Variants in DDX46 observed in about 807,000 individuals in gnomAD.
DDX46 encodes the protein DEAD-box helicase 46, also known as probable ATP-dependent RNA helicase DDX46.
DDX46 carries 30 observed loss-of-function variants against 134.9 expected under a neutral mutation model. The ratio of observed to expected loss-of-function variants is 0.22; its 90% CI spans 0.17 to 0.30. The LOEUF is 0.30. Ranked by LOEUF, DDX46 falls within the 10% of genes least tolerant of loss-of-function variation. DDX46 has a pLI of 1.00. For synonymous variants in DDX46, 415 were observed against 404.1 expected (o/e 1.03, Z -0.32); for missense variants, 622 against 1,248.7 (o/e 0.50, Z 7.56).
intron 21 of DDX46, among the ~76,000 whole-genome samples, chr5:134,824,481 G>A (rs1330165096): frequency 6.6e-6 from 1 of 151,966 alleles, no homozygotes; most frequent in Non-Finnish European, 1.5e-5. Context: ...CCAGCTACTC[G>A]AGAGGCTGAG....
At chr5:134,808,277 T>C (rs1405073073) in intron 16 of DDX46, among the ~76,000 whole-genome samples, 2 of 152,198 alleles carry the variant, frequency 1.3e-5, no homozygotes, top group Non-Finnish European at 2.9e-5. Flanking sequence ...AAGTTGAAAA[T>C]GCATTTAATA....
At chr5:134,796,657 A>G (rs1218640801) in intron 15 of DDX46, among the ~76,000 whole-genome samples, 1 of 152,060 alleles carries the variant, frequency 6.6e-6, no homozygotes, top group Non-Finnish European at 1.5e-5. Context: ...GTTGGAGACC[A>G]GTCTGGCCAA....
intron 4 of DDX46, 41 bp downstream of exon 4, chr5:134,771,040 TTGTC>T (rs747882921): frequency 3.1e-5 from 26 of 844,846 alleles, no homozygotes; most frequent in Admixed American, 1.3e-4. Flanking sequence ...TTCTTTCTTT[TTGTC>T]TTTCTTTCTT....
In DDX46 at chr5:134,785,508, T is replaced by C; in HGVS notation, c.1386T>C (p.Thr462=). The change falls in exon 11 of 23, where the codon ACT becomes ACC. Residue 462 remains threonine (T), a synonymous_variant. Coordinates refer to ENST00000452510, the MANE Select transcript of DDX46 (RefSeq NM_001300860.2). ...CTCGAGAACTGGCTTTACAGATTAC[T>C]AAAGAGTGTAAGAAGTTTTCCAAGA... The part of the protein sequence containing the change: ...TPTRELALQI[T]KECKKFSKTL... The C allele has an allele frequency of 6.2e-7, 1 of 1,613,982 alleles. No homozygotes were observed. The highest frequency in any genetic ancestry group is 8.5e-7 in the Non-Finnish European group (1 of 1,179,932).
intron 2 of DDX46, among the ~76,000 whole-genome samples, chr5:134,765,305 G>T (rs1424149186): frequency 6.6e-6 from 1 of 151,096 alleles, no homozygotes; most frequent in Non-Finnish European, 1.5e-5. Context: ...CAGCACTTTG[G>T]GAGGCCAAGG....
intron 4 of DDX46, among the ~76,000 whole-genome samples, chr5:134,772,271 C>G (rs1234115543): frequency 6.6e-6 from 1 of 151,982 alleles, no homozygotes; most frequent in Non-Finnish European, 1.5e-5. Flanking sequence ...TGCCTGTAAT[C>G]TCAGCAGTTC....
At chr5:134,766,754 A>G (rs1054234330) in intron 2 of DDX46, among the ~76,000 whole-genome samples, 163 bp from the exon 3 acceptor site, 1 of 152,088 alleles carries the variant, frequency 6.6e-6, no homozygotes, top group Admixed American at 6.6e-5. Context: ...TAGTATTCTC[A>G]TTTTTTTCGT....
chr5:134,769,180 A>G (rs1018218099), intron 3 of DDX46, among the ~76,000 whole-genome samples: 1 of 152,058 alleles, frequency 6.6e-6, no homozygotes, highest in South Asian at 2.1e-4. Context: ...CTGTTTCTTC[A>G]TTTATCACAT....
At chr5:134,780,604 T>TAAATA (rs1754120945) in intron 6 of DDX46, 1 of 140,404 alleles carries the variant, frequency 7.1e-6, no homozygotes, top group Admixed American at 7.2e-5. Context: ...ATAAATAAAG[T>TAAATA]ATGTATAATT....
intron 1 of DDX46, among the ~76,000 whole-genome samples, chr5:134,763,127 G>C (rs1005737261): frequency 3.9e-5 from 6 of 152,144 alleles, no homozygotes; most frequent in African/African-American, 1.4e-4. Flanking sequence ...GGCTTCTTGG[G>C]AGGCTGAAGT....
At chr5:134,764,472 G>T (rs1476363674) in intron 2 of DDX46, among the ~76,000 whole-genome samples, 9 of 151,978 alleles carry the variant, frequency 5.9e-5, no homozygotes, top group Non-Finnish European at 4.4e-5. Context: ...TAAAAGAGAC[G>T]GTGTTTTGCC....
chr5:134,823,583 A>T (rs1755514325), intron 21 of DDX46, among the ~76,000 whole-genome samples: 1 of 152,208 alleles, frequency 6.6e-6, no homozygotes, highest in Admixed American at 6.5e-5. Flanking sequence ...TGACTATGAG[A>T]AACTGACTTA....
chr5:134,790,685 G>A (rs1208647966), intron 13 of DDX46, 133 bp downstream of exon 13: 2 of 716,562 alleles, frequency 2.8e-6, no homozygotes, highest in African/African-American at 3.6e-5. Context: ...GAAGACTGGG[G>A]ACATACAGTA....
At chr5:134,791,420 G>A (rs1294219782) in intron 13 of DDX46, among the ~76,000 whole-genome samples, 1 of 152,164 alleles carries the variant, frequency 6.6e-6, no homozygotes, top group Admixed American at 6.5e-5. Flanking sequence ...AATTAGCCGG[G>A]CTTGGTGGCA....
intron 15 of DDX46, among the ~76,000 whole-genome samples, chr5:134,796,928 G>C (rs1580801875): frequency 6.6e-6 from 1 of 151,226 alleles, no homozygotes; most frequent in South Asian, 2.1e-4. Context: ...GAGGCGGGCG[G>C]ATCACCTGAG....
intron 4 of DDX46, among the ~76,000 whole-genome samples, chr5:134,772,875 C>T (rs768159198): frequency 7.2e-5 from 11 of 152,200 alleles, no homozygotes; most frequent in Middle Eastern, 3.4e-3. Flanking sequence ...GATCTCAGCT[C>T]GCTGCAACCT....
intron 1 of DDX46, among the ~76,000 whole-genome samples, chr5:134,762,761 A>G (rs930211164): frequency 6.6e-6 from 1 of 151,492 alleles, no homozygotes; most frequent in Non-Finnish European, 1.5e-5. Context: ...TAAAATAAAA[A>G]TAATTAGCTG....
intron 4 of DDX46, among the ~76,000 whole-genome samples, chr5:134,771,917 C>T (rs1753785330): frequency 6.6e-6 from 1 of 152,122 alleles, no homozygotes; most frequent in African/African-American, 2.4e-5. Context: ...TATCAATTGC[C>T]TTCCAAAAAA....
chr5:134,809,260 T>C (rs186035548), intron 16 of DDX46, among the ~76,000 whole-genome samples: 108 of 152,358 alleles, frequency 7.1e-4, no homozygotes, highest in African/African-American at 2.5e-3. Context: ...TATATATGTG[T>C]TATTGTATAT....
Sources: gnomAD v4.1 joint callset for allele counts (sites outside exome capture counted in the v4.1 genomes callset) on GRCh38, gnomAD v4.1.1 for gene constraint, MANE v1.5 for transcripts, NCBI Gene and HGNC (gene_info 2026-07-23, HGNC 2026-07-21) for gene names.